The following PIDD1 variants were observed in gnomAD, a reference collection of about 807,000 sequenced individuals.
PIDD1 encodes p53-induced death domain protein 1.
PIDD1 carries 72 observed loss-of-function variants against 80.0 expected under a neutral mutation model. The observed-to-expected ratio is 0.90, with a 90% CI of 0.74 to 1.09. The LOEUF (loss-of-function observed/expected upper bound fraction) is 1.09, where lower values mean the gene tolerates loss of function less well. PIDD1 is among the 50% of genes least tolerant of loss of function. The pLI is 0.00. For missense variants in PIDD1, 1,329 were observed against 1,228.3 expected (o/e 1.08, Z -1.23); for synonymous variants, 655 against 543.5 (o/e 1.21, Z -2.85).
upstream of PIDD1, among the ~76,000 whole-genome samples, chr11:808,685 G>A (rs980222016): frequency 7.9e-5 from 12 of 152,118 alleles, no homozygotes; most frequent in African/African-American, 2.9e-4. Flanking sequence ...GACAGAATGG[G>A]GCCCAGTCTC....
At chr11:807,930 T>G (rs1865861561), upstream of PIDD1, among the ~76,000 whole-genome samples, 1 of 152,196 alleles carries the variant, frequency 6.6e-6, no homozygotes, top group African/African-American at 2.4e-5. Context: ...AGCATCTACC[T>G]TTTAGGTAGG....
chr11:801,656 C>G (rs1464720472), intron 7 of PIDD1, 32 bp from the exon 8 acceptor site: 2 of 1,534,990 alleles, frequency 1.3e-6, no homozygotes, highest in South Asian at 1.2e-5. Context: ...GTCACAGGAG[C>G]CTGGGTCAGG....
chr11:799,809 C>T lies in PIDD1; in HGVS notation c.2474+6G>A. On this transcript the variant is annotated splice_donor_region_variant and intron_variant, in intron 15 of 15. Coordinates refer to ENST00000347755, the MANE Select transcript of PIDD1 (RefSeq NM_145886.4). ...GCTGGCAGCCAGCGGGCAGTGGGAG[C>T]CTCACCGGAACTCGTGCCGGATGCG... 6.4e-7 allele frequency: 1 copy of T among 1,556,904 alleles called. No individual in the cohort carries two copies. The highest frequency in any genetic ancestry group is 1.3e-5 in the African/African-American group (1 of 74,172).
At chr11:802,153 T>C (rs561668443) in intron 6 of PIDD1, 42 bp downstream of exon 6, 2 of 1,564,368 alleles carry the variant, frequency 1.3e-6, no homozygotes, top group Non-Finnish European at 1.7e-6. Context: ...GCCCCTGCCA[T>C]GCCCTGGCCC....
chr11:806,711 T>G (rs1166887335), upstream of PIDD1, among the ~76,000 whole-genome samples: 1 of 151,836 alleles, frequency 6.6e-6, no homozygotes, highest in Admixed American at 6.6e-5. Flanking sequence ...GCCTCCTGAG[T>G]AGCTGGGACT....
rs776336054 is a variant in PIDD1 at position 799,962 on chromosome 11, G to A, written c.2327C>T (p.Pro776Leu). The change falls in exon 15 of 16, where the codon CCC becomes CTC. Residue 776 changes from proline (P) to leucine (L), a missense_variant. Pro to Leu is a moderately conservative substitution (Grantham distance 98). Transcript: ENST00000347755. Reference protein sequence around the residue: ...PRRGAGLSLAPLNLGDAETGF... With the variant: ...PRRGAGLSLALLNLGDAETGF... ...GGTCTCGGCATCTCCCAGATTCAAG[G>A]GTGCCAAGGAGAGGCCAGCCCCCCG... 3.7e-5 allele frequency: 59 copies of A among 1,612,688 alleles called. No individual in the cohort carries two copies. Among genetic ancestry groups the A allele is most frequent in the Non-Finnish European group, 4.7e-5 (56 of 1,179,954 alleles).
Position 801,324 on chromosome 11 carries a change from TC to T in PIDD1, c.1523del (p.Gly508GlufsTer7). On this transcript the variant is annotated frameshift_variant, in exon 9 of 16. Transcript: ENST00000347755. LOFTEE classifies it high-confidence loss of function. ...MAGRELQALLGEPEAAVSPLL... is the reference protein window; with the variant it reads ...MAGRELQALLXEPEAAVSPLL... ...GGGGGCTCACTGCAGCCTCTGGTTCTCCCAGGAGGGCCTGCAGCTCTCGGCC... is the reference window on the plus strand; with the variant it reads ...GGGGGCTCACTGCAGCCTCTGGTTCTCCAGGAGGGCCTGCAGCTCTCGGCC... 6.2e-7 allele frequency: 1 copy of T among 1,607,774 alleles called. No homozygotes were observed. Among genetic ancestry groups the T allele is most frequent in the South Asian group, 1.1e-5 (1 of 90,528 alleles).
rs1270819352 is a variant in PIDD1, at chr11:800,543, C to T, written c.2041G>A (p.Asp681Asn). ...AFERGIDVDA[D>N]RPDCVEGRIC... ...AGGGAGCATCCACCAGCATCCCTAC[C>T]AGCATCCACGTCGATGCCGCGCTCG... Residue 681 changes from aspartate (D) to asparagine (N), a missense_variant and splice_region_variant, in exon 12 of 16, where the codon GAC (aspartate) becomes AAC (asparagine). Physicochemically the swap from Asp to Asn is conservative, Grantham distance 23. Coordinates refer to ENST00000347755, the MANE Select transcript of PIDD1 (RefSeq NM_145886.4). The T allele has an allele frequency of 1.3e-6, 2 of 1,494,222 alleles. No homozygotes were observed. Among genetic ancestry groups the T allele is most frequent in the Non-Finnish European group, 1.8e-6 (2 of 1,091,908 alleles). 92.6% of individuals were successfully genotyped at this position (1,494,222 alleles called of 1,614,324 possible). A position where few individuals can be genotyped will look rare whatever the true frequency, so the allele number is the denominator to read the frequency against.
At chr11:807,648 G>A (rs1376313183), upstream of PIDD1, among the ~76,000 whole-genome samples, 2 of 152,054 alleles carry the variant, frequency 1.3e-5, no homozygotes, top group African/African-American at 4.8e-5. Context: ...GCGGTAGCAG[G>A]CGCCTGTAGT....
chr11:800,918 A>G lies in PIDD1; in HGVS notation c.1767-6T>C, dbSNP rs1322490829. 6.3e-7 allele frequency: 1 copy of G among 1,592,604 alleles called. No individual in the cohort carries two copies. The highest frequency in any genetic ancestry group is 2.3e-5 in the East Asian group (1 of 44,190). On this transcript the variant is annotated splice_polypyrimidine_tract_variant and splice_region_variant and intron_variant, in intron 10 of 15. Transcript: ENST00000347755. ...TGGTGTACCAGAGCCAGTACCTGGG[A>G]GAGCTGGGGGTGAGGAGGGCTGTAC...
chr11:803,585 C>A lies in PIDD1; in HGVS notation c.298G>T (p.Gly100Trp). Residue 100 changes from glycine to tryptophan, a missense_variant and splice_region_variant, in exon 3 of 16, where the codon GGG (glycine) becomes TGG (tryptophan). By Grantham distance (184) the Gly-to-Trp change is radical (BLOSUM62 -2). Coordinates refer to ENST00000347755, the MANE Select transcript of PIDD1 (RefSeq NM_145886.4). ...SCLRSLVLKG[G>W]QRRDTLGACL... is the part of the protein sequence containing the mutation. ...GCACCCAGTGTGTCCCGGCGTTGCCCTCCTGGGAAGGGGGGAGGCGGATGT... is the reference window on the plus strand; with the variant it reads ...GCACCCAGTGTGTCCCGGCGTTGCCATCCTGGGAAGGGGGGAGGCGGATGT... The A allele has an allele frequency of 6.2e-7, 1 of 1,604,724 alleles. No individual in the cohort carries two copies. The highest frequency in any genetic ancestry group is 8.5e-7 in the Non-Finnish European group (1 of 1,175,262).
At chr11:802,652 C>T (rs766993824) in intron 4 of PIDD1, 30 bp downstream of exon 4, 1 of 1,606,452 alleles carries the variant, frequency 6.2e-7, no homozygotes, top group Non-Finnish European at 8.5e-7. Context: ...TGTCCTATCC[C>T]AGGTCTGCCC....
rs377020470 is a variant in PIDD1 at position 803,159 on chromosome 11, G to A, written c.709+15C>T. Reference sequence around the variant, plus strand: ...TCCCGTGGGGCCAGTGTGTCGGGGCGCAGGGGCTACTCACCCAGAGAGGCT... The same window carrying A: ...TCCCGTGGGGCCAGTGTGTCGGGGCACAGGGGCTACTCACCCAGAGAGGCT... On this transcript the variant is annotated intron_variant, in intron 3 of 15. Coordinates refer to ENST00000347755, the MANE Select transcript of PIDD1 (RefSeq NM_145886.4). The A allele has an allele frequency of 2.4e-5, 38 of 1,562,462 alleles. No individual in the cohort carries two copies. Among genetic ancestry groups the A allele is most frequent in the Admixed American group, 7.0e-5 (4 of 57,276 alleles).
chr11:802,486 G>A, intron 5 of PIDD1, 57 bp downstream of exon 5: 2 of 1,602,222 alleles, frequency 1.2e-6, no homozygotes, highest in Non-Finnish European at 1.7e-6. Context: ...AGGTGTCGGA[G>A]GGGCCAGAGT....
chr11:801,665 G>A, intron 7 of PIDD1, 41 bp from the exon 8 acceptor site: 1 of 1,502,048 alleles, frequency 6.7e-7, no homozygotes, highest in Non-Finnish European at 9.1e-7. Context: ...GCCTGGGTCA[G>A]GGCACAGCCA....
Position 801,983 on chromosome 11 carries a change from C to T in PIDD1, c.1284G>A (p.Leu428=), listed in dbSNP as rs1865377756. 2 of 1,603,690 alleles carry T rather than the reference C, an allele frequency of 1.2e-6. No individual in the cohort carries two copies. Among genetic ancestry groups the T allele is most frequent in the East Asian group, 2.3e-5 (1 of 44,430 alleles). Residue 428 remains leucine, a synonymous_variant, in exon 7 of 16, where the codon CTG becomes CTA. Coordinates refer to ENST00000347755, the MANE Select transcript of PIDD1 (RefSeq NM_145886.4). ...DNSWGDLETY[L]EEEAPQRLWA... ...CCCTCACCTGGGGTGCCTCTTCCTC[C>T]AGGTAGGTCTCCAGGTCACCCCAGC...
upstream of PIDD1, among the ~76,000 whole-genome samples, chr11:808,427 A>C (rs1016434982): frequency 6.6e-6 from 1 of 151,498 alleles, no homozygotes; most frequent in Non-Finnish European, 1.5e-5. Context: ...TCCTCAGAAA[A>C]AAAGAAAAAA....
Position 802,574 on chromosome 11 carries a change from G to A in PIDD1, c.943C>T (p.Pro315Ser). The A allele has an allele frequency of 1.9e-6, 3 of 1,613,370 alleles. No individual in the cohort carries two copies. The highest frequency in any genetic ancestry group is 2.5e-6 in the Non-Finnish European group (3 of 1,179,764). The part of the protein sequence containing the change: ...SPVAALIPEM[P>S]RLFLTSDLDS... ...AAATCTGAGGTCAGGAACAGTCTGG[G>A]CATTTCTGGAATGAGGGCTGCCACT... Residue 315 changes from proline to serine, a missense_variant, in exon 5 of 16, where the codon CCC becomes TCC. By Grantham distance (74) the Pro-to-Ser change is moderately conservative. Coordinates refer to ENST00000347755, the MANE Select transcript of PIDD1 (RefSeq NM_145886.4).
In PIDD1 at chr11:801,377, A is replaced by G; in HGVS notation, c.1483-12T>C. 1 of 1,604,536 alleles carries G rather than the reference A, an allele frequency of 6.2e-7. No homozygotes were observed. Among genetic ancestry groups the G allele is most frequent in the Non-Finnish European group, 8.5e-7 (1 of 1,175,428 alleles). On this transcript the variant is annotated splice_polypyrimidine_tract_variant and intron_variant, in intron 8 of 15. Transcript: ENST00000347755. The stretch of plus-strand genomic sequence containing the variant: ...GCCATGCGCACCACCTGGGGCAGAC[A>G]GGCCCCCTGAGCACCTGCCTGTGGG...
Sources: gnomAD v4.1 joint callset for allele counts (sites outside exome capture counted in the v4.1 genomes callset) on GRCh38, gnomAD v4.1.1 for gene constraint, MANE v1.5 for transcripts, NCBI Gene and HGNC (gene_info 2026-07-23, HGNC 2026-07-21) for gene names.